TBX20: variants seen among roughly 807,000 people sequenced by gnomAD.
TBX20 encodes T-box transcription factor TBX20.
A neutral mutation model predicts 42.9 loss-of-function variants in TBX20; 8 were observed. That is an observed-to-expected ratio of 0.19 (90% CI 0.11 to 0.34). The LOEUF (loss-of-function observed/expected upper bound fraction) is 0.34. Ranked by LOEUF, TBX20 falls within the 10% of genes least tolerant of loss-of-function variation. TBX20 has a pLI of 1.00. For missense variants in TBX20, 411 were observed against 566.0 expected (o/e 0.73, Z 2.78); for synonymous variants, 198 against 222.8 (o/e 0.89, Z 0.99).
intron 6 of TBX20, among the ~76,000 whole-genome samples, chr7:35,208,349 C>T (rs562368547): frequency 6.7e-4 from 102 of 152,248 alleles, no homozygotes; most frequent in Non-Finnish European, 1.3e-3. Context: ...GATGCCTGTA[C>T]ACAAAGATAG....
At chr7:35,224,740 T>C (rs1789742508) in intron 6 of TBX20, among the ~76,000 whole-genome samples, 1 of 151,930 alleles carries the variant, frequency 6.6e-6, no homozygotes, top group Admixed American at 6.6e-5. Context: ...TATATTATAA[T>C]GTCATTTAAA....
At chr7:35,223,199 C>T (rs1215603316) in intron 6 of TBX20, among the ~76,000 whole-genome samples, 3 of 152,026 alleles carry the variant, frequency 2.0e-5, no homozygotes, top group African/African-American at 7.2e-5. Flanking sequence ...GGGAAGGATG[C>T]GGTTATGAGC....
chr7:35,236,968 T>C (rs865841744), intron 5 of TBX20, among the ~76,000 whole-genome samples: 1 of 152,184 alleles, frequency 6.6e-6, no homozygotes, highest in Non-Finnish European at 1.5e-5. Flanking sequence ...TGTTGAAATG[T>C]GCATATTAGT....
chr7:35,252,848 G>A (rs1184424550), intron 1 of TBX20, among the ~76,000 whole-genome samples: 3 of 152,148 alleles, frequency 2.0e-5, no homozygotes, highest in Non-Finnish European at 4.4e-5. Flanking sequence ...TCTATAAATG[G>A]TAAAGGTTGT....
chr7:35,238,827 G>GT (rs1790017462), intron 5 of TBX20, among the ~76,000 whole-genome samples: 1 of 151,634 alleles, frequency 6.6e-6, no homozygotes, highest in African/African-American at 2.4e-5. Flanking sequence ...TGCCTTTACT[G>GT]TAAGATGATC....
At chr7:35,243,786 T>C (rs1790127896) in intron 4 of TBX20, among the ~76,000 whole-genome samples, 4 of 152,170 alleles carry the variant, frequency 2.6e-5, no homozygotes, top group Admixed American at 6.5e-5. Context: ...CAGAAGCATA[T>C]TAAGTTACTT....
chr7:35,216,328 G>A (rs1250051994), intron 6 of TBX20, among the ~76,000 whole-genome samples: 1 of 152,184 alleles, frequency 6.6e-6, no homozygotes, highest in Non-Finnish European at 1.5e-5. Context: ...TAGTGAAGTG[G>A]TTAGGGGCAT....
At chr7:35,211,864 T>G (rs1363673031) in intron 6 of TBX20, among the ~76,000 whole-genome samples, 1 of 152,204 alleles carries the variant, frequency 6.6e-6, no homozygotes, top group Non-Finnish European at 1.5e-5. Flanking sequence ...ATTTTCTTTA[T>G]ATCACTAGTT....
rs545163026 is a variant in TBX20, at chr7:35,253,077, G to A, written c.127+417C>T. ...TCTGTTTTGTCTATTCAAGTCAGAG[G>A]AAAACCAAAATTAAACTGGTTTCTT... On this transcript the variant is annotated intron_variant, in intron 1 of 7. Coordinates refer to ENST00000408931, the MANE Select transcript of TBX20 (RefSeq NM_001077653.2). Among the ~76,000 whole-genome samples the A allele has an allele frequency of 2.1e-3, 312 of 151,974 alleles. 2 individuals carry two copies. Among genetic ancestry groups the A allele is most frequent in the African/African-American group, 7.3e-3 (304 of 41,434 alleles).
intron 1 of TBX20, among the ~76,000 whole-genome samples, chr7:35,250,461 CT>C (rs1562568269): frequency 6.6e-6 from 1 of 152,176 alleles, no homozygotes; most frequent in Admixed American, 6.5e-5. Flanking sequence ...CTGCAGCCCA[CT>C]TTGGGAAATA....
chr7:35,204,952 C>A (rs1206676684), intron 6 of TBX20, among the ~76,000 whole-genome samples: 1 of 152,186 alleles, frequency 6.6e-6, no homozygotes, highest in Non-Finnish European at 1.5e-5. Context: ...AATGACTCTT[C>A]TTACTGACTT....
intron 4 of TBX20, among the ~76,000 whole-genome samples, chr7:35,241,887 A>T (rs1790089679): frequency 6.6e-6 from 1 of 152,192 alleles, no homozygotes; most frequent in South Asian, 2.1e-4. Flanking sequence ...AATAAAATTC[A>T]ATTTCAGATA....
intron 5 of TBX20, among the ~76,000 whole-genome samples, chr7:35,232,029 T>C (rs1444583007): frequency 6.6e-6 from 1 of 152,208 alleles, no homozygotes; most frequent in Non-Finnish European, 1.5e-5. Context: ...TGTGAGTACA[T>C]ATACATACCA....
chr7:35,230,541 T>C (rs1789850154), intron 6 of TBX20, among the ~76,000 whole-genome samples: 1 of 152,166 alleles, frequency 6.6e-6, no homozygotes, highest in Admixed American at 6.5e-5. Flanking sequence ...CATTCTGCCA[T>C]TTGGGAAGGC....
chr7:35,236,159 C>G (rs1444230006), intron 5 of TBX20, among the ~76,000 whole-genome samples: 1 of 152,088 alleles, frequency 6.6e-6, no homozygotes, highest in African/African-American at 2.4e-5. Context: ...AATGAAACTA[C>G]AAGGCACAAT....
chr7:35,202,817 C>G, intron 7 of TBX20, 47 bp from the exon 8 acceptor site: 1 of 1,508,798 alleles, frequency 6.6e-7, no homozygotes, highest in Non-Finnish European at 9.0e-7. Flanking sequence ...TGTCAATGTA[C>G]AGATCAAGAA....
intron 4 of TBX20, among the ~76,000 whole-genome samples, chr7:35,243,863 AAC>A (rs922327815): frequency 7.2e-5 from 11 of 152,336 alleles, no homozygotes; most frequent in Admixed American, 6.5e-5. Context: ...GGTTGTAATA[AAC>A]ACAGTCTCCT....
At chr7:35,224,432 G>T (rs1358272808) in intron 6 of TBX20, among the ~76,000 whole-genome samples, 3 of 152,252 alleles carry the variant, frequency 2.0e-5, no homozygotes, top group Non-Finnish European at 4.4e-5. Flanking sequence ...CAGCACTTTG[G>T]GAGGCCGAGG....
At chr7:35,223,775 G>T (rs965721099) in intron 6 of TBX20, among the ~76,000 whole-genome samples, 1 of 152,116 alleles carries the variant, frequency 6.6e-6, no homozygotes, top group African/African-American at 2.4e-5. Flanking sequence ...AGGAAGGAAA[G>T]AAATGGGAAA....
Sources: allele counts gnomAD v4.1 joint callset (sites outside exome capture counted in the v4.1 genomes callset), GRCh38; gene constraint gnomAD v4.1.1; transcripts MANE v1.5; gene names NCBI Gene and HGNC (gene_info 2026-07-23, HGNC 2026-07-21).